UST: variants seen among roughly 807,000 people sequenced by gnomAD.
UST encodes uronyl 2-sulfotransferase.
UST carries 21 observed loss-of-function variants against 45.6 expected under a neutral mutation model. The ratio of observed to expected loss-of-function variants is 0.46; its 90% CI spans 0.33 to 0.66. The LOEUF (loss-of-function observed/expected upper bound fraction) is 0.66. Ranked by LOEUF, UST falls within the 30% of genes least tolerant of loss-of-function variation. UST has a pLI of 0.02. For synonymous variants in UST, 215 were observed against 200.6 expected (o/e 1.07, Z -0.61); for missense variants, 463 against 512.4 (o/e 0.90, Z 0.93).
chr6:148,804,621 G>A (rs969942030), intron 1 of UST, among the ~76,000 whole-genome samples: 1 of 152,092 alleles, frequency 6.6e-6, no homozygotes, highest in African/African-American at 2.4e-5. Context: ...AGTCAAGCTG[G>A]AATTTTATCA....
chr6:148,883,299 T>C (rs1205961207), intron 1 of UST, among the ~76,000 whole-genome samples: 2 of 152,200 alleles, frequency 1.3e-5, no homozygotes, highest in Non-Finnish European at 2.9e-5. Flanking sequence ...GTGAGAAGGA[T>C]TGTCTAGAAG....
intron 2 of UST, among the ~76,000 whole-genome samples, chr6:148,902,418 T>C (rs1247553671): frequency 6.6e-6 from 1 of 151,672 alleles, no homozygotes; most frequent in Non-Finnish European, 1.5e-5. Flanking sequence ...TTAATTTTAA[T>C]AGACCCAAGG....
chr6:148,761,381 C>T (rs1227464038), intron 1 of UST, among the ~76,000 whole-genome samples: 1 of 152,224 alleles, frequency 6.6e-6, no homozygotes, highest in Non-Finnish European at 1.5e-5. Context: ...GCTTAGAATG[C>T]AGTGTCTTGC....
rs1323424817 is a variant in UST, at chr6:149,008,034, T to C, written c.682-11105T>C. 2.0e-5 allele frequency among the ~76,000 whole-genome samples: 3 copies of C among 152,208 alleles called. No individual in the cohort carries two copies. In the East Asian group the frequency reaches 5.8e-4, roughly 29 times the overall value. ...TAAGGAAATTACCTTACTTAACAGC[T>C]GGTAAGTCACCAGCTGTTGCTGCTG... On this transcript the variant is annotated intron_variant, in intron 5 of 7. Coordinates refer to ENST00000367463, the MANE Select transcript of UST (RefSeq NM_005715.3).
intron 2 of UST, among the ~76,000 whole-genome samples, chr6:148,921,068 C>G (rs953876772): frequency 9.9e-5 from 15 of 152,172 alleles, no homozygotes; most frequent in African/African-American, 3.4e-4. Context: ...GTCTCAGAGG[C>G]ATTTTCTTGA....
intron 5 of UST, among the ~76,000 whole-genome samples, chr6:149,012,252 C>A (rs2500545): frequency 0.89 from 134,808 of 152,256 alleles, 59,981 homozygotes; most frequent in Middle Eastern, 0.93. Flanking sequence ...TGCCACTTTC[C>A]AATCCATTAA....
At chr6:148,995,872 C>T (rs1361122539) in intron 5 of UST, among the ~76,000 whole-genome samples, 1 of 152,234 alleles carries the variant, frequency 6.6e-6, no homozygotes, top group Non-Finnish European at 1.5e-5. Context: ...TTTCTCCACC[C>T]CTCAGTATCT....
In UST at chr6:148,790,966, G is replaced by A. The variant is rs1340756407; in HGVS notation, c.247+43289G>A. On this transcript the variant is annotated intron_variant, in intron 1 of 7. Coordinates refer to ENST00000367463, the MANE Select transcript of UST (RefSeq NM_005715.3). The surrounding 1 kb of genome is among the most constrained non-coding windows in gnomAD (Gnocchi z 4.2). Reference sequence around the variant, plus strand: ...CTCAGGATCTGCGCAACAGTTAAAGGTGCACGCGTTAGTGAAACCTCGCAA... The same window carrying A: ...CTCAGGATCTGCGCAACAGTTAAAGATGCACGCGTTAGTGAAACCTCGCAA... 6.6e-6 allele frequency among the ~76,000 whole-genome samples: 1 copy of A among 152,226 alleles called. No individual in the cohort carries two copies. Among genetic ancestry groups the A allele is most frequent in the Non-Finnish European group, 1.5e-5 (1 of 68,042 alleles).
At chr6:148,958,180 T>C (rs1780563227) in intron 4 of UST, among the ~76,000 whole-genome samples, 2 of 151,104 alleles carry the variant, frequency 1.3e-5, no homozygotes, top group Non-Finnish European at 2.9e-5. Context: ...GCTGACCTAC[T>C]TCGTTTTTTT....
At chr6:148,876,083 C>G (rs1448484516) in intron 1 of UST, among the ~76,000 whole-genome samples, 1 of 152,110 alleles carries the variant, frequency 6.6e-6, no homozygotes, top group Non-Finnish European at 1.5e-5. Flanking sequence ...GTAGGCTGTA[C>G]AGAAAGTATG....
intron 1 of UST, among the ~76,000 whole-genome samples, chr6:148,878,678 A>T (rs143188544): frequency 9.9e-4 from 47 of 47,430 alleles, no homozygotes; most frequent in African/African-American, 8.2e-3. Flanking sequence ...GGGGTCGTGT[A>T]TGAGTGCGGG....
chr6:148,875,675 G>A (rs1273230056), intron 1 of UST, among the ~76,000 whole-genome samples: 2 of 152,178 alleles, frequency 1.3e-5, no homozygotes, highest in Non-Finnish European at 2.9e-5. Context: ...GTGGTGGCAC[G>A]CATCTGTAGT....
At chr6:149,022,663 C>A (rs1200957286) in intron 7 of UST, among the ~76,000 whole-genome samples, 4 of 152,204 alleles carry the variant, frequency 2.6e-5, no homozygotes, top group Admixed American at 6.5e-5. Flanking sequence ...CAGTCTGCTG[C>A]CTCACATTCC....
chr6:148,822,071 G>C (rs903196656), intron 1 of UST, among the ~76,000 whole-genome samples: 1 of 151,950 alleles, frequency 6.6e-6, no homozygotes, highest in East Asian at 1.9e-4. Flanking sequence ...AGGCTGTCTG[G>C]TTTTTTTTAG....
At chr6:148,867,472 T>C (rs1408223525) in intron 1 of UST, among the ~76,000 whole-genome samples, 1 of 152,238 alleles carries the variant, frequency 6.6e-6, no homozygotes, top group Non-Finnish European at 1.5e-5. Context: ...ATATTTATTA[T>C]TCATACTTTG....
intron 1 of UST, among the ~76,000 whole-genome samples, chr6:148,848,968 T>C (rs1778052243): frequency 6.6e-6 from 1 of 152,058 alleles, no homozygotes; most frequent in South Asian, 2.1e-4. Context: ...CTGGTACAAG[T>C]CCTAGAGTCC....
At chr6:148,867,639 C>T (rs368406467) in intron 1 of UST, among the ~76,000 whole-genome samples, 3 of 152,172 alleles carry the variant, frequency 2.0e-5, no homozygotes, top group South Asian at 2.1e-4. Flanking sequence ...AGGGGAAACC[C>T]CTTTCGCTTG....
intron 1 of UST, among the ~76,000 whole-genome samples, chr6:148,788,915 C>A (rs765685265): frequency 3.3e-5 from 5 of 152,168 alleles, no homozygotes; most frequent in African/African-American, 7.2e-5. Context: ...AGGGCTGGCC[C>A]ATTTTCACAT....
chr6:148,757,469 G>A (rs186514937), intron 1 of UST, among the ~76,000 whole-genome samples: 61 of 152,308 alleles, frequency 4.0e-4, no homozygotes, highest in Middle Eastern at 3.4e-3. Context: ...AGATGAGACC[G>A]TGGAATGATG....
Sources: gnomAD v4.1 joint callset for allele counts (sites outside exome capture counted in the v4.1 genomes callset) on GRCh38, gnomAD v4.1.1 for gene constraint, Gnocchi (gnomAD v3.1) non-coding constraint, MANE v1.5 for transcripts, NCBI Gene and HGNC (gene_info 2026-07-23, HGNC 2026-07-21) for gene names.